RALYL: variants seen among roughly 807,000 people sequenced by gnomAD.
The protein encoded by RALYL is RNA-binding Raly-like protein.
Under a neutral mutation model 35.1 loss-of-function variants are expected in RALYL, and 29 were observed. The observed-to-expected ratio is 0.83, with a 90% CI of 0.61 to 1.13. RALYL has a LOEUF of 1.13. RALYL is among the 50% of genes most tolerant of loss of function. The pLI, the probability that RALYL is intolerant of heterozygous loss-of-function variation, is 0.00. For synonymous variants in RALYL, 120 were observed against 127.6 expected (o/e 0.94, Z 0.40); for missense variants, 359 against 360.4 (o/e 1.00, Z 0.03).
Position 84,213,337 on chromosome 8 carries a change from G to T in RALYL, c.-24+28913G>T, listed in dbSNP as rs576171394. Among the ~76,000 whole-genome samples, 18 of 152,250 alleles carry T rather than the reference G, an allele frequency of 1.2e-4. No individual in the cohort carries two copies. The South Asian group carries it at 3.7e-3, about 32-fold the overall frequency. ...ACCCGGGAGACAGAGGTTGCAGTGA[G>T]CCGAGATCCCTCAACGCCATTGCAC... On this transcript the variant is annotated intron_variant, in intron 1 of 8. Coordinates refer to ENST00000521268, the MANE Select transcript of RALYL (RefSeq NM_173848.7).
chr8:84,335,809 C>A (rs1028575921), intron 1 of RALYL, among the ~76,000 whole-genome samples: 1 of 144,750 alleles, frequency 6.9e-6, no homozygotes, highest in Non-Finnish European at 1.5e-5. Flanking sequence ...GAGCATGTGC[C>A]CTGCTATTTT....
At chr8:84,685,884 G>A (rs1175950848) in intron 2 of RALYL, among the ~76,000 whole-genome samples, 2 of 152,164 alleles carry the variant, frequency 1.3e-5, no homozygotes, top group African/African-American at 4.8e-5. Context: ...TGCAGCTTGT[G>A]AATTATTAGG....
At chr8:84,419,203 A>C (rs949874788) in intron 1 of RALYL, among the ~76,000 whole-genome samples, 1 of 152,156 alleles carries the variant, frequency 6.6e-6, no homozygotes, top group Admixed American at 6.6e-5. Context: ...GTCTCCTTGT[A>C]TATTCACAGA....
intron 5 of RALYL, among the ~76,000 whole-genome samples, chr8:84,850,394 T>A (rs1835597870): frequency 6.6e-6 from 1 of 152,202 alleles, no homozygotes; most frequent in Non-Finnish European, 1.5e-5. Flanking sequence ...CTGAAGTCCA[T>A]AATAAAACAT....
At chr8:84,283,412 A>T (rs1022111451) in intron 1 of RALYL, among the ~76,000 whole-genome samples, 1 of 152,264 alleles carries the variant, frequency 6.6e-6, no homozygotes. Flanking sequence ...GCTCTCTTTC[A>T]CATTAAAAGA....
intron 4 of RALYL, among the ~76,000 whole-genome samples, chr8:84,807,688 A>AT (rs1256831709): frequency 2.6e-5 from 4 of 151,884 alleles, no homozygotes; most frequent in East Asian, 3.9e-4. Flanking sequence ...CTGTTTTTTG[A>AT]TTTTTTGATT....
intron 1 of RALYL, among the ~76,000 whole-genome samples, chr8:84,282,819 A>G (rs143833981): frequency 6.6e-6 from 1 of 151,890 alleles, no homozygotes; most frequent in African/African-American, 2.4e-5. Flanking sequence ...TCAGTTGAGT[A>G]TATATGTATA....
intron 1 of RALYL, among the ~76,000 whole-genome samples, chr8:84,417,198 G>A (rs1250653526): frequency 6.6e-6 from 1 of 151,900 alleles, no homozygotes; most frequent in East Asian, 1.9e-4. Flanking sequence ...GCTCTGGTTA[G>A]GAGAAGAAAA....
intron 2 of RALYL, among the ~76,000 whole-genome samples, chr8:84,746,060 T>C (rs916347253): frequency 6.6e-5 from 10 of 152,040 alleles, no homozygotes; most frequent in African/African-American, 2.4e-4. Context: ...GATTATGTTT[T>C]ACCTTCAGTC....
intron 2 of RALYL, among the ~76,000 whole-genome samples, chr8:84,587,039 G>T (rs1812180902): frequency 6.6e-6 from 1 of 152,094 alleles, no homozygotes; most frequent in Non-Finnish European, 1.5e-5. Flanking sequence ...GATTTCAGTG[G>T]CAGTACTCAC....
intron 4 of RALYL, among the ~76,000 whole-genome samples, chr8:84,843,522 C>T (rs1367768239): frequency 4.6e-5 from 7 of 152,060 alleles, no homozygotes; most frequent in African/African-American, 9.7e-5. Flanking sequence ...GAATCAATAT[C>T]GTGAAAATGG....
chr8:84,392,143 A>G (rs902420089), intron 1 of RALYL, among the ~76,000 whole-genome samples: 1 of 152,022 alleles, frequency 6.6e-6, no homozygotes, highest in Non-Finnish European at 1.5e-5. Flanking sequence ...TATAGCCTCA[A>G]CTTTCTTTCA....
At chr8:84,696,919 A>C (rs1430391288) in intron 2 of RALYL, among the ~76,000 whole-genome samples, 2 of 152,136 alleles carry the variant, frequency 1.3e-5, no homozygotes, top group South Asian at 4.1e-4. Flanking sequence ...TACACACAAA[A>C]TGAGGTTTCG....
At chr8:84,710,054 C>T (rs971596376) in intron 2 of RALYL, among the ~76,000 whole-genome samples, 2 of 151,950 alleles carry the variant, frequency 1.3e-5, no homozygotes, top group East Asian at 1.9e-4. Context: ...GAGCTAGACT[C>T]CATCTCAAAA....
At chr8:84,764,948 A>C (rs2133416537) in intron 2 of RALYL, among the ~76,000 whole-genome samples, 1 of 152,334 alleles carries the variant, frequency 6.6e-6, no homozygotes, top group Middle Eastern at 3.4e-3. Context: ...ACAAATGTCC[A>C]TATTTTAGAG....
intron 1 of RALYL, among the ~76,000 whole-genome samples, chr8:84,324,596 T>G (rs1013883966): frequency 2.6e-5 from 4 of 152,110 alleles, no homozygotes; most frequent in Admixed American, 2.0e-4. Context: ...TAGTTGTGTT[T>G]TTTTTTGTAA....
intron 1 of RALYL, among the ~76,000 whole-genome samples, chr8:84,286,568 A>G (rs953802561): frequency 6.6e-6 from 1 of 152,166 alleles, no homozygotes; most frequent in Non-Finnish European, 1.5e-5. Context: ...CTTAAAACCC[A>G]AATTCTTGGA....
chr8:84,450,161 A>G (rs1327536683), intron 1 of RALYL, among the ~76,000 whole-genome samples: 1 of 151,942 alleles, frequency 6.6e-6, no homozygotes, highest in Non-Finnish European at 1.5e-5. Context: ...AGCTTATGTT[A>G]TTGGATCAGA....
chr8:84,522,471 G>C (rs567946374), intron 1 of RALYL, among the ~76,000 whole-genome samples: 2 of 151,654 alleles, frequency 1.3e-5, no homozygotes, highest in African/African-American at 2.4e-5. Flanking sequence ...GGATAGTCTC[G>C]ATCTCCTGAC....
Sources: allele counts gnomAD v4.1 joint callset (sites outside exome capture counted in the v4.1 genomes callset), GRCh38; gene constraint gnomAD v4.1.1; transcripts MANE v1.5; gene names NCBI Gene and HGNC (gene_info 2026-07-23, HGNC 2026-07-21).